Variants in BORCS5 observed in about 807,000 individuals in gnomAD.
BORCS5 encodes BLOC-1 related complex subunit 5.
Under a neutral mutation model 22.1 loss-of-function variants are expected in BORCS5, and 17 were observed. The observed-to-expected ratio is 0.77, with a 90% CI of 0.53 to 1.15. The LOEUF (loss-of-function observed/expected upper bound fraction) is 1.15, where lower values mean the gene tolerates loss of function less well. Ranked by LOEUF, BORCS5 falls within the 50% of genes most tolerant of loss-of-function variation. The pLI is 0.00. For synonymous variants in BORCS5, 117 were observed against 99.8 expected (o/e 1.17, Z -1.03); for missense variants, 247 against 253.2 (o/e 0.98, Z 0.17).
At chr12:12,387,732 C>T (rs1357696732) in intron 2 of BORCS5, among the ~76,000 whole-genome samples, 1 of 151,454 alleles carries the variant, frequency 6.6e-6, no homozygotes. Context: ...AAGTGTTTTT[C>T]ACATGTGCTG....
At chr12:12,403,378 T>C (rs551142731) in intron 2 of BORCS5, among the ~76,000 whole-genome samples, 4 of 152,328 alleles carry the variant, frequency 2.6e-5, no homozygotes, top group African/African-American at 7.2e-5. Flanking sequence ...CTGTTGCTTC[T>C]GCTGGCTTTT....
Position 12,380,127 on chromosome 12 carries a change from T to C in BORCS5, c.202+18778T>C, listed in dbSNP as rs1863744717. On this transcript the variant is annotated intron_variant, in intron 2 of 3. Coordinates refer to ENST00000314565, the MANE Select transcript of BORCS5 (RefSeq NM_058169.6). ...GTTTAAGTTTCCTGTTTTCTATGGG[T>C]GTGGTTTGTGGTGCCCAAAACAATT... is the stretch of plus-strand genomic sequence containing the variant. Among the ~76,000 whole-genome samples, 2 of 151,260 alleles carry C rather than the reference T, an allele frequency of 1.3e-5. 1 individual carries two copies. Among genetic ancestry groups the C allele is most frequent in the African/African-American group, 4.9e-5 (2 of 41,094 alleles).
Position 12,471,152 on chromosome 12 carries a change from A to G in BORCS5, c.*5376A>G, listed in dbSNP as rs141620164. Among the ~76,000 whole-genome samples the G allele has an allele frequency of 6.7e-4, 102 of 152,322 alleles. No individual in the cohort carries two copies. Among genetic ancestry groups the G allele is most frequent in the African/African-American group, 2.4e-3 (101 of 41,580 alleles). On this transcript the variant is annotated 3_prime_UTR_variant, in exon 4 of 4. Transcript: ENST00000314565. ...AACGGATTCTAGTGTTTGAGCTGGA[A>G]CCAAAAGAATGAAACTGTTTTTACA...
At chr12:12,419,802 T>C (rs1300604657) in intron 2 of BORCS5, among the ~76,000 whole-genome samples, 1 of 152,234 alleles carries the variant, frequency 6.6e-6, no homozygotes, top group East Asian at 1.9e-4. Context: ...CCAGTGATGA[T>C]GAGCATTTTT....
At chr12:12,438,360 C>CAAAAAAAAAAAAAAAAAAAA (rs57737663) in intron 3 of BORCS5, among the ~76,000 whole-genome samples, 22 of 23,780 alleles carry the variant, frequency 9.3e-4, no homozygotes, top group Non-Finnish European at 1.2e-3. Context: ...GATTTCATCT[C>CAAAAAAAAAAAAAAAAAAAA]AAAAAAAAAA....
Position 12,384,927 on chromosome 12 carries a change from C to T in BORCS5, c.202+23578C>T, listed in dbSNP as rs969439384. On this transcript the variant is annotated intron_variant, in intron 2 of 3. Coordinates refer to ENST00000314565, the MANE Select transcript of BORCS5 (RefSeq NM_058169.6). The stretch of plus-strand genomic sequence containing the variant: ...TGTGTCTGCTTGCTTTTTAAACTTG[C>T]TTATATCTTTACATCTGCTTTCCTA... Among the ~76,000 whole-genome samples the T allele has an allele frequency of 4.2e-4, 63 of 151,204 alleles. 2 individuals carry two copies. Among genetic ancestry groups the T allele is most frequent in the African/African-American group, 3.4e-4 (14 of 41,200 alleles).
chr12:12,437,804 G>A (rs1399612854), intron 3 of BORCS5, among the ~76,000 whole-genome samples: 2 of 113,080 alleles, frequency 1.8e-5, no homozygotes, highest in South Asian at 2.3e-4. Flanking sequence ...TGCTGTCACC[G>A]AGGCTGGAGT....
At chr12:12,362,215 G>A (rs1251494208) in intron 2 of BORCS5, among the ~76,000 whole-genome samples, 1 of 152,268 alleles carries the variant, frequency 6.6e-6, no homozygotes, top group Admixed American at 6.5e-5. Context: ...GGTAAGATAA[G>A]CTTCTTATAA....
chr12:12,433,104 C>A (rs1025905687), intron 2 of BORCS5, among the ~76,000 whole-genome samples: 1 of 152,070 alleles, frequency 6.6e-6, no homozygotes, highest in Non-Finnish European at 1.5e-5. Context: ...AAGGCTGAGG[C>A]AGCTGGATCA....
chr12:12,461,745 G>A (rs560096521), intron 3 of BORCS5, among the ~76,000 whole-genome samples: 5 of 152,258 alleles, frequency 3.3e-5, no homozygotes, highest in African/African-American at 1.2e-4. Context: ...GCAACAAAGA[G>A]TGCATGCCGG....
At position 12,468,029 on chromosome 12, in the gene BORCS5, A is replaced by G. The variant is rs1022101697; in HGVS notation, c.*2253A>G. ...GAAGGTTTGGGGATGAGAGACCAGCACGGGCTCTGATGAGAGACAGGTGCA... is the reference window on the plus strand; with the variant it reads ...GAAGGTTTGGGGATGAGAGACCAGCGCGGGCTCTGATGAGAGACAGGTGCA... On this transcript the variant is annotated 3_prime_UTR_variant, in exon 4 of 4. Coordinates refer to ENST00000314565, the MANE Select transcript of BORCS5 (RefSeq NM_058169.6). 1.3e-5 allele frequency: 2 copies of G among 152,238 alleles called. No homozygotes were observed. The highest frequency in any genetic ancestry group is 4.8e-5 in the African/African-American group (2 of 41,466). 9.4% of individuals were successfully genotyped at this position (152,238 alleles called of 1,614,324 possible).
intron 2 of BORCS5, among the ~76,000 whole-genome samples, chr12:12,411,588 T>A (rs2136086527): frequency 6.6e-6 from 1 of 152,312 alleles, no homozygotes; most frequent in Middle Eastern, 3.4e-3. Context: ...ATAGTATCTT[T>A]TCATGCATAA....
At chr12:12,413,474 C>T (rs953364622) in intron 2 of BORCS5, among the ~76,000 whole-genome samples, 1 of 150,510 alleles carries the variant, frequency 6.6e-6, no homozygotes, top group Non-Finnish European at 1.5e-5. Flanking sequence ...TCTCCCATGT[C>T]TACCTCCATC....
rs7975896 is a variant in BORCS5 at position 12,357,155 on chromosome 12, C to A, written c.-297C>A. On this transcript the variant is annotated 5_prime_UTR_variant, in exon 1 of 4. Transcript: ENST00000314565. Reference sequence around the variant, plus strand: ...CGGCGCCGCCCGCCGGCCGCAGGTGCGGCAAAGCCAGTGTCATCTGCCGGT... The same window carrying A: ...CGGCGCCGCCCGCCGGCCGCAGGTGAGGCAAAGCCAGTGTCATCTGCCGGT... 1.3e-6 allele frequency: 2 copies of A among 1,532,696 alleles called. No homozygotes were observed. Among genetic ancestry groups the A allele is most frequent in the South Asian group, 1.2e-5 (1 of 83,850 alleles). 94.9% of individuals were successfully genotyped at this position (1,532,696 alleles called of 1,614,324 possible).
chr12:12,430,937 A>G (rs1942407619), intron 2 of BORCS5, among the ~76,000 whole-genome samples: 2 of 152,170 alleles, frequency 1.3e-5, no homozygotes, highest in Non-Finnish European at 2.9e-5. Flanking sequence ...ATGTAATACT[A>G]TTTATAGATA....
chr12:12,443,115 A>G (rs1942717684), intron 3 of BORCS5, among the ~76,000 whole-genome samples: 1 of 152,242 alleles, frequency 6.6e-6, no homozygotes. Flanking sequence ...AACTGTTGCT[A>G]TCGCCCTGAC....
At chr12:12,391,500 C>T (rs553871235) in intron 2 of BORCS5, among the ~76,000 whole-genome samples, 4 of 151,704 alleles carry the variant, frequency 2.6e-5, no homozygotes, top group Non-Finnish European at 5.9e-5. Context: ...ATTCTCCTGC[C>T]TCAGTCTCCC....
At chr12:12,414,751 G>A (rs1192015931) in intron 2 of BORCS5, among the ~76,000 whole-genome samples, 2 of 135,068 alleles carry the variant, frequency 1.5e-5, no homozygotes, top group African/African-American at 2.9e-5. Flanking sequence ...TCACTTCCCA[G>A]ACGGGGTGGC....
At chr12:12,381,015 T>TC (rs1399915209) in intron 2 of BORCS5, among the ~76,000 whole-genome samples, 1 of 148,148 alleles carries the variant, frequency 6.8e-6, no homozygotes, top group East Asian at 1.9e-4. Flanking sequence ...TGGGGGATTT[T>TC]TTTTTTTTTT....
Sources: gnomAD v4.1 joint callset for allele counts (sites outside exome capture counted in the v4.1 genomes callset) on GRCh38, gnomAD v4.1.1 for gene constraint, MANE v1.5 for transcripts, NCBI Gene and HGNC (gene_info 2026-07-23, HGNC 2026-07-21) for gene names.